Variants in TCF12 observed in about 807,000 individuals in gnomAD.
TCF12 encodes the protein DNA-binding protein HTF4.
TCF12 carries 45 observed loss-of-function variants against 86.0 expected under a neutral mutation model. The observed-to-expected ratio is 0.52, with a 90% CI of 0.41 to 0.67. TCF12 has a LOEUF of 0.67. Among genes scored for constraint, TCF12 ranks in the 30% least tolerant of loss-of-function variants. The probability of loss-of-function intolerance (pLI) is 0.00; values close to 1 mark genes in which losing one functional copy is unlikely to be tolerated. For missense variants in TCF12, 881 were observed against 859.9 expected, an observed-to-expected ratio of 1.02 and a Z score of -0.31; for synonymous variants, 330 against 299.6, an observed-to-expected ratio of 1.10 and a Z score of -1.05.
intron 5 of TCF12, among the ~76,000 whole-genome samples, chr15:57,153,858 C>CAA (rs1292050423): frequency 6.9e-6 from 1 of 144,222 alleles, no homozygotes; most frequent in Non-Finnish European, 1.5e-5. Flanking sequence ...TCTGTCTCTC[C>CAA]AAAAAAAAAA....
At chr15:56,925,273 A>G (rs1471884752) in intron 3 of TCF12, among the ~76,000 whole-genome samples, 1 of 95,912 alleles carries the variant, frequency 1.0e-5, no homozygotes, top group African/African-American at 4.0e-5. Context: ...CCCCGTAGTC[A>G]TTGCTTATAA....
In TCF12 at chr15:56,920,487, C is replaced by CACGTGTGTGTGTGTGT. The variant is rs3223202; in HGVS notation, c.75+499_75+500insACGTGTGTGTGTGTGT. ...TACTTTTATTTTATACACACACACA[C>CACGTGTGTGTGTGTGT]GTGTGTGTGTGTGTGTGTGTGTATT... On this transcript the variant is annotated intron_variant, in intron 2 of 20. Coordinates refer to ENST00000333725, the MANE Select transcript of TCF12 (RefSeq NM_207037.2). Among the ~76,000 whole-genome samples the CACGTGTGTGTGTGTGT allele has an allele frequency of 0.014, 2,076 of 146,898 alleles. 139 individuals carry two copies. In the East Asian group the frequency reaches 0.23, roughly 16 times the overall value.
At chr15:57,050,486 T>G (rs1268189140) in intron 3 of TCF12, among the ~76,000 whole-genome samples, 1 of 152,176 alleles carries the variant, frequency 6.6e-6, no homozygotes, top group Non-Finnish European at 1.5e-5. Context: ...TTTCTTTCTT[T>G]GCGTTTGCAC....
At chr15:56,994,624 G>T (rs1489507862) in intron 3 of TCF12, among the ~76,000 whole-genome samples, 2 of 151,998 alleles carry the variant, frequency 1.3e-5, no homozygotes, top group African/African-American at 4.8e-5. Flanking sequence ...AATGACTTCA[G>T]ATTTTACATC....
At chr15:57,227,678 C>T (rs1260077396) in intron 8 of TCF12, among the ~76,000 whole-genome samples, 1 of 152,000 alleles carries the variant, frequency 6.6e-6, no homozygotes, top group African/African-American at 2.4e-5. Context: ...CAAGTTAGAA[C>T]TGTCTGTTCA....
intron 4 of TCF12, among the ~76,000 whole-genome samples, chr15:57,091,580 A>G (rs2048995661): frequency 6.6e-6 from 1 of 152,192 alleles, no homozygotes; most frequent in Non-Finnish European, 1.5e-5. Flanking sequence ...ACTTTTCTTT[A>G]CGATCAATAA....
chr15:57,178,262 A>C (rs2056096167), intron 6 of TCF12, among the ~76,000 whole-genome samples: 1 of 152,144 alleles, frequency 6.6e-6, no homozygotes, highest in African/African-American at 2.4e-5. Context: ...GGTTAATTGT[A>C]CTTTTTTTTC....
intron 5 of TCF12, among the ~76,000 whole-genome samples, chr15:57,116,887 A>G (rs2050874533): frequency 1.3e-5 from 2 of 152,150 alleles, no homozygotes; most frequent in East Asian, 1.9e-4. Context: ...GGACAGTATA[A>G]TGAAGTAATT....
At chr15:57,167,576 AAGG>A (rs1315908782) in intron 6 of TCF12, among the ~76,000 whole-genome samples, 1 of 151,984 alleles carries the variant, frequency 6.6e-6, no homozygotes, top group Non-Finnish European at 1.5e-5. Context: ...GAGAGAGAGA[AAGG>A]AGGGAAGGAG....
At chr15:57,041,890 A>G (rs954947295) in intron 3 of TCF12, among the ~76,000 whole-genome samples, 3 of 152,206 alleles carry the variant, frequency 2.0e-5, no homozygotes, top group Non-Finnish European at 4.4e-5. Flanking sequence ...GGCTCTTCAT[A>G]TTTATGAAAG....
chr15:56,919,557 G>A lies in TCF12; in HGVS notation c.-22-335G>A, dbSNP rs566040961. 2.5e-3 allele frequency: 466 copies of A among 184,216 alleles called. No homozygotes were observed. The highest frequency in any genetic ancestry group is 0.011 in the African/African-American group (450 of 42,416). 11.4% of individuals were successfully genotyped at this position (184,216 alleles called of 1,614,324 possible). ...GCTCCTCGAGACCCCAGCCGCGGCC[G>A]GGCCCGGCGCGCGGAGCACCCGGCG... On this transcript the variant is annotated intron_variant, in intron 1 of 20. Coordinates refer to ENST00000333725, the MANE Select transcript of TCF12 (RefSeq NM_207037.2).
At chr15:57,174,791 G>A (rs1302055326) in intron 6 of TCF12, among the ~76,000 whole-genome samples, 8 of 152,228 alleles carry the variant, frequency 5.3e-5, no homozygotes, top group Admixed American at 4.6e-4. Context: ...ATCCAAAAGC[G>A]TGAAATACTG....
intron 5 of TCF12, among the ~76,000 whole-genome samples, chr15:57,150,003 C>T (rs2053627835): frequency 6.6e-6 from 1 of 152,156 alleles, no homozygotes; most frequent in African/African-American, 2.4e-5. Context: ...ACAGTAGGCA[C>T]TCCATGAGAG....
chr15:57,177,705 A>G (rs2056050409), intron 6 of TCF12, among the ~76,000 whole-genome samples: 1 of 146,122 alleles, frequency 6.8e-6, no homozygotes. Context: ...TTTTTATTTT[A>G]TTTACTTATT....
intron 3 of TCF12, among the ~76,000 whole-genome samples, chr15:57,059,598 C>A (rs140341443): frequency 3.3e-5 from 5 of 152,148 alleles, no homozygotes; most frequent in African/African-American, 1.2e-4. Flanking sequence ...GTGTTCATGT[C>A]AGCAGGTTTG....
At chr15:57,072,230 A>G (rs2069458116) in intron 4 of TCF12, among the ~76,000 whole-genome samples, 1 of 152,174 alleles carries the variant, frequency 6.6e-6, no homozygotes, top group Non-Finnish European at 1.5e-5. Context: ...AACTGGTACA[A>G]CTAAGTGACT....
intron 3 of TCF12, among the ~76,000 whole-genome samples, chr15:56,997,091 A>G (rs1408187199): frequency 2.0e-5 from 3 of 152,192 alleles, no homozygotes; most frequent in African/African-American, 4.8e-5. Context: ...TGGGAGTTGA[A>G]CTACCATTTG....
intron 5 of TCF12, among the ~76,000 whole-genome samples, chr15:57,142,143 G>A (rs1174042897): frequency 6.6e-6 from 1 of 152,118 alleles, no homozygotes; most frequent in East Asian, 1.9e-4. Context: ...ATGGAAGTTG[G>A]CTATATACAG....
chr15:57,000,352 T>G (rs867080589), intron 3 of TCF12, among the ~76,000 whole-genome samples: 5 of 152,014 alleles, frequency 3.3e-5, no homozygotes, highest in Non-Finnish European at 7.4e-5. Context: ...AAGTCTGTTT[T>G]TTTTTTTTTT....
Sources: allele counts gnomAD v4.1 joint callset (sites outside exome capture counted in the v4.1 genomes callset), GRCh38; gene constraint gnomAD v4.1.1; transcripts MANE v1.5; gene names NCBI Gene and HGNC (gene_info 2026-07-23, HGNC 2026-07-21).